The following EBF1 variants were observed in gnomAD, a reference collection of about 807,000 sequenced individuals.
The protein encoded by EBF1 is transcription factor COE1.
A neutral mutation model predicts 68.4 loss-of-function variants in EBF1; 10 were observed. The observed-to-expected ratio is 0.15, with a 90% CI of 0.09 to 0.25. The LOEUF is 0.25. EBF1 is among the 10% of genes least tolerant of loss of function. EBF1 has a pLI of 1.00. For missense variants in EBF1, 509 were observed against 794.4 expected (o/e 0.64, Z 4.32); for synonymous variants, 298 against 299.8 (o/e 0.99, Z 0.06).
chr5:159,087,253 AAT>A lies in EBF1; in HGVS notation c.412-2516_412-2515del, dbSNP rs199776226. ...CACAGATACTGATGGGGCTTTCCCT[AAT>A]ATATATATATATACACACACACATA... On this transcript the variant is annotated intron_variant, in intron 4 of 15. Coordinates refer to ENST00000313708, the MANE Select transcript of EBF1 (RefSeq NM_024007.5). Among the ~76,000 whole-genome samples, 615 of 144,640 alleles carry A rather than the reference AAT, an allele frequency of 4.3e-3. 1 individual carries two copies. Among genetic ancestry groups the A allele is most frequent in the Middle Eastern group, 7.3e-3 (2 of 274 alleles). The allele number at this position is 144,640 out of a possible 152,430, so 94.9% of individuals were successfully genotyped here.
chr5:158,832,110 G>A (rs1787720510), intron 7 of EBF1, among the ~76,000 whole-genome samples: 1 of 152,202 alleles, frequency 6.6e-6, no homozygotes, highest in African/African-American at 2.4e-5. Flanking sequence ...AACAACTATA[G>A]GCATCTTCAG....
At chr5:158,861,949 A>G (rs1795032849) in intron 6 of EBF1, among the ~76,000 whole-genome samples, 2 of 152,144 alleles carry the variant, frequency 1.3e-5, no homozygotes, top group Non-Finnish European at 2.9e-5. Flanking sequence ...ATAACCATAT[A>G]CAGACACTAT....
chr5:158,887,244 A>G (rs1233261974), intron 6 of EBF1, among the ~76,000 whole-genome samples: 4 of 152,238 alleles, frequency 2.6e-5, no homozygotes. Flanking sequence ...AATATGGCCA[A>G]TAAAACCTAA....
At chr5:158,729,889 C>T (rs566466231) in intron 11 of EBF1, among the ~76,000 whole-genome samples, 1 of 152,234 alleles carries the variant, frequency 6.6e-6, no homozygotes, top group Non-Finnish European at 1.5e-5. Flanking sequence ...ATGCGCCTCA[C>T]CTCTGTGTAG....
chr5:158,901,977 G>C (rs561044119), intron 6 of EBF1, among the ~76,000 whole-genome samples: 1 of 152,254 alleles, frequency 6.6e-6, no homozygotes, highest in East Asian at 1.9e-4. Flanking sequence ...TGTAGTCTCA[G>C]CTACTCAGGA....
intron 15 of EBF1, among the ~76,000 whole-genome samples, chr5:158,705,561 T>C (rs986840214): frequency 2.0e-5 from 3 of 152,212 alleles, no homozygotes; most frequent in African/African-American, 7.2e-5. Flanking sequence ...AGAATTGAGT[T>C]GGAAAATCCC....
intron 6 of EBF1, among the ~76,000 whole-genome samples, chr5:159,035,771 C>T (rs1393930687): frequency 2.0e-5 from 3 of 152,278 alleles, no homozygotes; most frequent in African/African-American, 7.2e-5. Flanking sequence ...AATGGAGAGG[C>T]TGAAGAATGT....
chr5:158,888,255 C>CGT (rs145411857), intron 6 of EBF1, among the ~76,000 whole-genome samples: 20 of 150,762 alleles, frequency 1.3e-4, no homozygotes, highest in East Asian at 3.9e-4. Flanking sequence ...ATTTTTTATT[C>CGT]GTGTGTGTGT....
chr5:159,073,278 T>C (rs1366600927), intron 6 of EBF1, 118 bp downstream of exon 6: 9 of 1,067,366 alleles, frequency 8.4e-6, no homozygotes, highest in East Asian at 2.4e-5. Context: ...GCGTAAGTCA[T>C]GACCAACAGG....
chr5:159,040,742 G>A (rs967937939), intron 6 of EBF1, among the ~76,000 whole-genome samples: 11 of 152,196 alleles, frequency 7.2e-5, no homozygotes, highest in Non-Finnish European at 1.6e-4. Flanking sequence ...ACACCTTACA[G>A]GTTTAGCTCT....
intron 6 of EBF1, among the ~76,000 whole-genome samples, chr5:158,965,787 G>A (rs1019580809): frequency 6.6e-6 from 1 of 152,162 alleles, no homozygotes; most frequent in African/African-American, 2.4e-5. Flanking sequence ...CCTACTTTAT[G>A]TTATGAGTAA....
chr5:158,901,385 A>C (rs1803284634), intron 6 of EBF1, among the ~76,000 whole-genome samples: 1 of 152,240 alleles, frequency 6.6e-6, no homozygotes. Context: ...AGTCCATGAC[A>C]GCAGGGATAG....
chr5:158,797,550 C>G (rs1779809820), intron 8 of EBF1, among the ~76,000 whole-genome samples: 1 of 152,106 alleles, frequency 6.6e-6, no homozygotes, highest in African/African-American at 2.4e-5. Flanking sequence ...AATGAGAGCA[C>G]TAGTTAATTT....
chr5:158,770,955 C>T (rs1160808719), intron 10 of EBF1, among the ~76,000 whole-genome samples: 1 of 152,146 alleles, frequency 6.6e-6, no homozygotes. Flanking sequence ...TTTTGCTTAA[C>T]ACTGTTTCAG....
intron 6 of EBF1, among the ~76,000 whole-genome samples, chr5:158,971,446 T>C (rs1056147095): frequency 2.0e-5 from 3 of 152,138 alleles, no homozygotes; most frequent in Admixed American, 6.6e-5. Flanking sequence ...CTTCCCGGCA[T>C]CAAGGCCCTG....
chr5:158,833,471 T>C (rs1268344297), intron 7 of EBF1, among the ~76,000 whole-genome samples: 1 of 152,196 alleles, frequency 6.6e-6, no homozygotes, highest in Non-Finnish European at 1.5e-5. Flanking sequence ...TCTACATACA[T>C]CCATTTTCTT....
At chr5:159,081,760 C>T (rs961211064) in intron 5 of EBF1, among the ~76,000 whole-genome samples, 1 of 152,186 alleles carries the variant, frequency 6.6e-6, no homozygotes, top group African/African-American at 2.4e-5. Context: ...TCTTATTTTC[C>T]ATCCACATTT....
chr5:158,759,760 T>C (rs1770983218), intron 10 of EBF1, among the ~76,000 whole-genome samples: 1 of 152,184 alleles, frequency 6.6e-6, no homozygotes, highest in Non-Finnish European at 1.5e-5. Context: ...TATTATCTTC[T>C]CTGCCTCCTT....
chr5:158,816,082 T>C (rs1783681380), intron 8 of EBF1, among the ~76,000 whole-genome samples: 1 of 152,238 alleles, frequency 6.6e-6, no homozygotes, highest in Non-Finnish European at 1.5e-5. Context: ...CTACTTAGCC[T>C]GGGCCCTTCA....
Sources: gnomAD v4.1 joint callset for allele counts (sites outside exome capture counted in the v4.1 genomes callset) on GRCh38, gnomAD v4.1.1 for gene constraint, MANE v1.5 for transcripts, NCBI Gene and HGNC (gene_info 2026-07-23, HGNC 2026-07-21) for gene names.